Variants in MCM8 observed in about 807,000 individuals in gnomAD.
The protein encoded by MCM8 is minichromosome maintenance 8 homologous recombination repair factor, also known as DNA helicase MCM8.
Under a neutral mutation model 98.9 loss-of-function variants are expected in MCM8, and 85 were observed. That is an observed-to-expected ratio of 0.86 (90% confidence interval 0.72 to 1.03). The LOEUF is 1.03. MCM8 is among the 50% of genes least tolerant of loss of function. The pLI is 0.00. For synonymous variants in MCM8, 352 were observed against 338.6 expected (o/e 1.04, Z -0.44); for missense variants, 951 against 997.8 (o/e 0.95, Z 0.63).
intron 9 of MCM8, 27 bp downstream of exon 9, chr20:5,967,614 G>A: frequency 6.3e-7 from 1 of 1,584,376 alleles, no homozygotes. Context: ...TTCATTATTT[G>A]TCTCTCAATA....
In MCM8 at chr20:5,997,679, ATCAAGCCGTGATCTCCTGGGC is replaced by A. The variant is rs1458460433; in HGVS notation, c.*3295_*3315del. ...GCCCAGGCTGGAGTGCAGTGACATG[ATCAAGCCGTGATCTCCTGGGC>A]TCAAGCAATCCTCCTACCTCAGCCT... On this transcript the variant is annotated 3_prime_UTR_variant, in exon 19 of 19. Coordinates refer to ENST00000610722, the MANE Select transcript of MCM8 (RefSeq NM_032485.6). 2 of 152,142 alleles carry A rather than the reference ATCAAGCCGTGATCTCCTGGGC, an allele frequency of 1.3e-5. No individual in the cohort carries two copies. The highest frequency in any genetic ancestry group is 2.9e-5 in the Non-Finnish European group (2 of 68,128). 9.4% of individuals were successfully genotyped at this position (152,142 alleles called of 1,614,324 possible). A position where few individuals can be genotyped will look rare whatever the true frequency, so the allele number is the denominator to read the frequency against.
Position 5,963,185 on chromosome 20 carries a change from A to G in MCM8, c.790-89A>G. The G allele has an allele frequency of 4.1e-6, 4 of 984,918 alleles. No homozygotes were observed. In the Admixed American group the frequency reaches 5.5e-5, roughly 14 times the overall value. 61.0% of individuals were successfully genotyped at this position (984,918 alleles called of 1,614,324 possible). On this transcript the variant is annotated intron_variant, in intron 7 of 18. Transcript: ENST00000610722. ...CATCCTGAGACCAACTTTTAAAACA[A>G]TATTAAATGAAATGTTTTAACTGAA...
Position 5,984,951 on chromosome 20 carries a change from C to A in MCM8, c.1904C>A (p.Thr635Asn), listed in dbSNP as rs755768645. 7 of 1,614,094 alleles carry A rather than the reference C, an allele frequency of 4.3e-6. No individual in the cohort carries two copies. Among genetic ancestry groups the A allele is most frequent in the Admixed American group, 3.3e-5 (2 of 60,012 alleles). ...CGTATGAATAGTCAAGATTCAAATA[C>A]TTCCGTACTTGAAGTAGTTTCTGAG... ...VARMNSQDSNTSVLEVVSEKP... is the reference protein window; with the variant it reads ...VARMNSQDSNNSVLEVVSEKP... The change falls in exon 15 of 19, where the codon ACT (threonine) becomes AAT (asparagine). Residue 635 changes from threonine to asparagine, a missense_variant. By Grantham distance (65) the Thr-to-Asn change is moderately conservative (BLOSUM62 0). Coordinates refer to ENST00000610722, the MANE Select transcript of MCM8 (RefSeq NM_032485.6).
chr20:5,987,107 G>A lies in MCM8; in HGVS notation c.2164-175G>A, dbSNP rs534505298. Among the ~76,000 whole-genome samples the A allele has an allele frequency of 2.1e-4, 32 of 152,328 alleles. 1 individual carries two copies. The South Asian group carries it at 4.8e-3, about 23-fold the overall frequency. On this transcript the variant is annotated intron_variant, in intron 16 of 18. Transcript: ENST00000610722. ...CTCCCAAAGTGCTGGGTTTATAGGC[G>A]TGAGCCACCACCCCCAGCCCAGAGA...
chr20:5,972,711 G>A (rs1329820212), intron 11 of MCM8: 13 of 1,296,736 alleles, frequency 1.0e-5, no homozygotes, highest in Non-Finnish European at 1.3e-5. Context: ...TGCGCCACCA[G>A]ACCCAGCTAC....
At chr20:5,955,552 A>G (rs1170324209) in intron 5 of MCM8, among the ~76,000 whole-genome samples, 2 of 152,206 alleles carry the variant, frequency 1.3e-5, no homozygotes, top group Non-Finnish European at 2.9e-5. Context: ...AAGTTATACA[A>G]TCTCATAGGG....
At chr20:5,953,352 A>G (rs151176160) in intron 3 of MCM8, among the ~76,000 whole-genome samples, 34 of 152,242 alleles carry the variant, frequency 2.2e-4, no homozygotes, top group Non-Finnish European at 3.4e-4. Context: ...AGGAATACCA[A>G]TTAACCTACA....
rs766605374 is a variant in MCM8 at position 5,952,002 on chromosome 20, A to G, written c.-5-9A>G. The G allele has an allele frequency of 1.6e-5, 26 of 1,600,930 alleles. No individual in the cohort carries two copies. The highest frequency in any genetic ancestry group is 9.0e-5 in the South Asian group (8 of 88,846). On this transcript the variant is annotated splice_polypyrimidine_tract_variant and intron_variant, in intron 1 of 18. Coordinates refer to ENST00000610722, the MANE Select transcript of MCM8 (RefSeq NM_032485.6). ...TTTGGTGAAGACCTTTTTAATATCT[A>G]TCTTTTAGGAGAGATGAATGGAGAG...
At chr20:5,953,361 C>T (rs887531877) in intron 3 of MCM8, among the ~76,000 whole-genome samples, 9 of 151,988 alleles carry the variant, frequency 5.9e-5, no homozygotes, top group Admixed American at 3.9e-4. Flanking sequence ...AATTAACCTA[C>T]ATCAGTCTGT....
At chr20:5,952,330 G>T in intron 2 of MCM8, 94 bp from the exon 3 acceptor site, 1 of 1,556,588 alleles carries the variant, frequency 6.4e-7, no homozygotes, top group Non-Finnish European at 8.7e-7. Context: ...CCCTAATTTG[G>T]ATACTCTATT....
In MCM8 at chr20:5,955,082, C is replaced by T; in HGVS notation, c.337-20C>T. 2 of 1,536,934 alleles carry T rather than the reference C, an allele frequency of 1.3e-6. No homozygotes were observed. Among genetic ancestry groups the T allele is most frequent in the South Asian group, 1.2e-5 (1 of 85,944 alleles). On this transcript the variant is annotated intron_variant, in intron 4 of 18. Transcript: ENST00000610722. ...ACTACAGAAAAGCAATTATTGTTTT[C>T]ATACTTTTATATTTTATAGGATGAA...
intron 8 of MCM8, chr20:5,965,459 C>T (rs1447495884): frequency 6.6e-6 from 1 of 152,176 alleles, no homozygotes; most frequent in Non-Finnish European, 1.5e-5. Flanking sequence ...CCCTTTTCGT[C>T]TGGTAAGTCC....
At position 5,955,221 on chromosome 20, in the gene MCM8, C is replaced by G; in HGVS notation, c.456C>G (p.Thr152=). The G allele has an allele frequency of 6.2e-7, 1 of 1,613,580 alleles. No individual in the cohort carries two copies. The highest frequency in any genetic ancestry group is 8.5e-7 in the Non-Finnish European group (1 of 1,179,834). The change falls in exon 5 of 19, where the codon ACC becomes ACG. Residue 152 remains threonine, a synonymous_variant. Coordinates refer to ENST00000610722, the MANE Select transcript of MCM8 (RefSeq NM_032485.6). ...ATELRDAPEK[T]LACMGLAIHQ... is the part of the protein sequence containing the mutation. ...AACTAAGAGATGCACCTGAGAAAAC[C>G]TTGGCTTGCATGGGTTTGGCAATAC...
At chr20:5,958,261 C>T (rs111852342) in intron 6 of MCM8, among the ~76,000 whole-genome samples, 3 of 152,238 alleles carry the variant, frequency 2.0e-5, no homozygotes, top group South Asian at 2.1e-4. Flanking sequence ...CCCAGCTACT[C>T]GGGAGACTGA....
Position 5,994,868 on chromosome 20 carries a change from CA to C in MCM8, c.*479del, listed in dbSNP as rs1460816198. The C allele has an allele frequency of 3.3e-6, 1 of 305,782 alleles. No homozygotes were observed. The highest frequency in any genetic ancestry group is 6.5e-6 in the Non-Finnish European group (1 of 153,132). 18.9% of individuals were successfully genotyped at this position (305,782 alleles called of 1,614,324 possible). On this transcript the variant is annotated 3_prime_UTR_variant, in exon 19 of 19. Coordinates refer to ENST00000610722, the MANE Select transcript of MCM8 (RefSeq NM_032485.6). ...AGGTTACAGTGAGCCACAATCACAC[CA>C]ATCACTGCACTCCAGCCTGGGCAAT... is the stretch of plus-strand genomic sequence containing the variant.
In MCM8 at chr20:5,957,158, T is replaced by G. The variant is rs374828473; in HGVS notation, c.519T>G (p.Ala173=). ...VLTKDLERHA[A]ELQAQEGLSN... is the part of the protein sequence containing the mutation. Reference sequence around the variant, plus strand: ...CTAAGGACCTTGAAAGGCATGCAGCTGAGTTACAAGCCCAGGAAGGATTGT... The same window carrying G: ...CTAAGGACCTTGAAAGGCATGCAGCGGAGTTACAAGCCCAGGAAGGATTGT... The change falls in exon 6 of 19, where the codon GCT becomes GCG. Residue 173 remains alanine, a synonymous_variant. Transcript: ENST00000610722. 2.2e-5 allele frequency: 35 copies of G among 1,613,786 alleles called. No homozygotes were observed. In the African/African-American group the frequency reaches 4.5e-4, roughly 21 times the overall value.
chr20:5,951,983 G>A, intron 1 of MCM8, 28 bp from the exon 2 acceptor site: 1 of 1,587,456 alleles, frequency 6.3e-7, no homozygotes, highest in South Asian at 1.1e-5. Flanking sequence ...CAGTTTTGGT[G>A]AAGACCTTTT....
chr20:5,963,972 A>T (rs2089216671), intron 8 of MCM8, among the ~76,000 whole-genome samples: 1 of 152,264 alleles, frequency 6.6e-6, no homozygotes, highest in African/African-American at 2.4e-5. Flanking sequence ...GGCCATAAGC[A>T]AAGCTGTGTG....
intron 11 of MCM8, chr20:5,972,589 C>G (rs1471275256): frequency 2.6e-6 from 1 of 383,322 alleles, no homozygotes; most frequent in South Asian, 1.9e-5. Flanking sequence ...GAGTCTTGCT[C>G]TGTCGCCCAG....
Sources: allele counts gnomAD v4.1 joint callset (sites outside exome capture counted in the v4.1 genomes callset), GRCh38; gene constraint gnomAD v4.1.1; transcripts MANE v1.5; gene names NCBI Gene and HGNC (gene_info 2026-07-23, HGNC 2026-07-21).